Variants in ZNF285 observed in about 807,000 individuals in gnomAD.
ZNF285 encodes the protein zinc finger protein 285.
A neutral mutation model predicts 6.2 loss-of-function variants in ZNF285; 4 were observed. That is an observed-to-expected ratio of 0.65 (90% CI 0.32 to 1.49). ZNF285 has a LOEUF of 1.49. Ranked by LOEUF, ZNF285 falls within the 40% of genes most tolerant of loss-of-function variation. The pLI is 0.07. For synonymous variants in ZNF285, 240 were observed against 245.8 expected, an observed-to-expected ratio of 0.98 and a Z score of 0.22; for missense variants, 695 against 708.8, an observed-to-expected ratio of 0.98 and a Z score of 0.22.
intron 2 of ZNF285, chr19:44,394,547 T>TA (rs1323348256): frequency 1.7e-6 from 1 of 584,512 alleles, no homozygotes; most frequent in Non-Finnish European, 3.0e-6. Context: ...GAATCTAAAA[T>TA]AAAAGTTGGA....
In ZNF285 at chr19:44,387,066, G is replaced by A. The variant is rs1440961309; in HGVS notation, c.1179C>T (p.Val393=). ...QSSNLLVHQR[V]HTGEKPYKCS... is the part of the protein sequence containing the mutation. ...ATTTGTAGGGCTTCTCTCCAGTGTGGACTCTCTGATGGACAAGAAGGTTGG... is the reference window on the plus strand; with the variant it reads ...ATTTGTAGGGCTTCTCTCCAGTGTGAACTCTCTGATGGACAAGAAGGTTGG... The change falls in exon 4 of 4, where the codon GTC becomes GTT. Residue 393 remains valine (V), a synonymous_variant. Coordinates refer to ENST00000614994, the MANE Select transcript of ZNF285 (RefSeq NM_152354.6). 6.2e-7 allele frequency: 1 copy of A among 1,614,070 alleles called. No individual in the cohort carries two copies.
At chr19:44,388,134 A>T (rs765653884) in intron 3 of ZNF285, 32 bp from the exon 4 acceptor site, 1 of 1,587,628 alleles carries the variant, frequency 6.3e-7, no homozygotes, top group South Asian at 1.1e-5. Flanking sequence ...GGCTAAGAGA[A>T]CAAGTCAATC....
intron 3 of ZNF285, among the ~76,000 whole-genome samples, chr19:44,390,944 A>C (rs1249423387): frequency 1.3e-5 from 2 of 151,920 alleles, no homozygotes; most frequent in Admixed American, 6.6e-5. Flanking sequence ...TCACGAGGTC[A>C]AGAGATTGAG....
In ZNF285 at chr19:44,382,306, T is replaced by TC. The variant is rs1265350231; in HGVS notation, c.*4165_*4166insG. 2 of 145,690 alleles carry TC rather than the reference T, an allele frequency of 1.4e-5. No homozygotes were observed. Among genetic ancestry groups the TC allele is most frequent in the Non-Finnish European group, 3.0e-5 (2 of 66,284 alleles). The allele number at this position is 145,690 out of a possible 1,614,324, so 9.0% of individuals were successfully genotyped here. ...CACATAAGGGACTTTTTTTTTTTTT[T>TC]TTTTTTTTTTGAGACAGAGTCTTGC... On this transcript the variant is annotated 3_prime_UTR_variant, in exon 4 of 4. Coordinates refer to ENST00000614994, the MANE Select transcript of ZNF285 (RefSeq NM_152354.6).
In ZNF285 at chr19:44,387,362, T is replaced by G; in HGVS notation, c.883A>C (p.Met295Leu). ...AGGTCTGAGCTCTGTTTGCAGCCCA[T>G]AGGCCATTCGTGGAATTCATAGGGA... is the stretch of plus-strand genomic sequence containing the variant. ...KTPYEFHEWPMGCKQSSDLPR... is the reference protein window; with the variant it reads ...KTPYEFHEWPLGCKQSSDLPR... Residue 295 changes from methionine to leucine, a missense_variant, in exon 4 of 4, where the codon ATG becomes CTG. Physicochemically the swap from Met to Leu is conservative, Grantham distance 15 (BLOSUM62 2). Transcript: ENST00000614994. 1 of 1,614,170 alleles carries G rather than the reference T, an allele frequency of 6.2e-7. No individual in the cohort carries two copies.
In ZNF285 at chr19:44,389,356, C is replaced by T. The variant is rs531396035; in HGVS notation, c.143-1254G>A. On this transcript the variant is annotated intron_variant, in intron 3 of 3. Transcript: ENST00000614994. ...TGCTTCTGGTTCAAGGTCCTTTCTG[C>T]ATTGTTTTATTGAAAGTGACTTTAG... Among the ~76,000 whole-genome samples the T allele has an allele frequency of 3.4e-4, 51 of 152,232 alleles. 1 individual carries two copies. In the South Asian group the frequency reaches 9.5e-3, roughly 28 times the overall value.
chr19:44,385,393 C>T lies in ZNF285; in HGVS notation c.*1079G>A, dbSNP rs750501682. ...CAGTAAAGTTTTACCACAGCTATAT[C>T]ATCTGGAACATTTCTCTTTGGTGTA... On this transcript the variant is annotated 3_prime_UTR_variant, in exon 4 of 4. Transcript: ENST00000614994. The T allele has an allele frequency of 6.6e-6, 1 of 152,150 alleles. No individual in the cohort carries two copies. Among genetic ancestry groups the T allele is most frequent in the African/African-American group, 2.4e-5 (1 of 41,394 alleles). The allele number at this position is 152,150 out of a possible 1,614,324, so 9.4% of individuals were successfully genotyped here. A position where few individuals can be genotyped will look rare whatever the true frequency, so the allele number is the denominator to read the frequency against.
intron 2 of ZNF285, 165 bp from the exon 3 acceptor site, chr19:44,392,631 T>C (rs767574800): frequency 5.2e-6 from 7 of 1,337,162 alleles, no homozygotes; most frequent in Admixed American, 3.9e-5. Flanking sequence ...ACCACCAAGA[T>C]AGGTTTCATT....
Position 44,387,999 on chromosome 19 carries a change from C to T in ZNF285, c.246G>A (p.Arg82=). The change falls in exon 4 of 4, where the codon CGG becomes CGA. Residue 82 remains arginine, a synonymous_variant. Coordinates refer to ENST00000614994, the MANE Select transcript of ZNF285 (RefSeq NM_152354.6). ...HCWQIWKQRI[R]DLTVSQDYIV... Reference sequence around the variant, plus strand: ...TATAATCCTGACTCACAGTTAAATCCCGGATCCTTTGTTTCCAAATCTGCC... The same window carrying T: ...TATAATCCTGACTCACAGTTAAATCTCGGATCCTTTGTTTCCAAATCTGCC... The T allele has an allele frequency of 6.2e-7, 1 of 1,614,098 alleles. No homozygotes were observed. Among genetic ancestry groups the T allele is most frequent in the South Asian group, 1.1e-5 (1 of 91,074 alleles).
In ZNF285 at chr19:44,390,684, G is replaced by A. The variant is rs550802185; in HGVS notation, c.142+1656C>T. Reference sequence around the variant, plus strand: ...GACATATGATTTGGGAGGGGCCAGTGGTGGGATAATATGGTCTGGCTGTGT... The same window carrying A: ...GACATATGATTTGGGAGGGGCCAGTAGTGGGATAATATGGTCTGGCTGTGT... On this transcript the variant is annotated intron_variant, in intron 3 of 3. Coordinates refer to ENST00000614994, the MANE Select transcript of ZNF285 (RefSeq NM_152354.6). Among the ~76,000 whole-genome samples, 317 of 151,896 alleles carry A rather than the reference G, an allele frequency of 2.1e-3. 2 individuals are homozygous for A. Among genetic ancestry groups the A allele is most frequent in the Middle Eastern group, 6.8e-3 (2 of 294 alleles).
chr19:44,392,322 T>A lies in ZNF285; in HGVS notation c.142+18A>T. On this transcript the variant is annotated intron_variant, in intron 3 of 3. Coordinates refer to ENST00000614994, the MANE Select transcript of ZNF285 (RefSeq NM_152354.6). ...ATTTGAGGAAACAGGTCCAGTGGTC[T>A]CATGCTCAGTTACTCACTCACTAAC... is the stretch of plus-strand genomic sequence containing the variant. 1 of 1,613,810 alleles carries A rather than the reference T, an allele frequency of 6.2e-7. No individual in the cohort carries two copies. Among genetic ancestry groups the A allele is most frequent in the Non-Finnish European group, 8.5e-7 (1 of 1,179,778 alleles).
chr19:44,386,421 T>C lies in ZNF285; in HGVS notation c.*51A>G, dbSNP rs771878086. On this transcript the variant is annotated 3_prime_UTR_variant, in exon 4 of 4. Transcript: ENST00000614994. The stretch of plus-strand genomic sequence containing the variant: ...ACAGGCTGAGTAAGCCTCTATCATC[T>C]GGAATACAGTGTGGCTTCTGTTTTA... 3.2e-6 allele frequency: 5 copies of C among 1,562,174 alleles called. No individual in the cohort carries two copies. In the East Asian group the frequency reaches 6.8e-5, roughly 21 times the overall value.
At position 44,387,971 on chromosome 19, in the gene ZNF285, C is replaced by G. The variant is rs140033872; in HGVS notation, c.274G>C (p.Val92Leu). 5 of 1,614,052 alleles carry G rather than the reference C, an allele frequency of 3.1e-6. No individual in the cohort carries two copies. In the African/African-American group the frequency reaches 6.7e-5, roughly 22 times the overall value. The change falls in exon 4 of 4, where the codon GTG becomes CTG. Residue 92 changes from valine to leucine, a missense_variant. Transcript: ENST00000614994. ...GGGGAACACTCTTCTTGAAGGTTCA[C>G]GATATAATCCTGACTCACAGTTAAA... is the stretch of plus-strand genomic sequence containing the variant. ...RDLTVSQDYI[V>L]NLQEECSPHL...
Position 44,388,997 on chromosome 19 carries a change from G to A in ZNF285, c.143-895C>T, listed in dbSNP as rs533881267. Among the ~76,000 whole-genome samples, 314 of 145,744 alleles carry A rather than the reference G, an allele frequency of 2.2e-3. 3 individuals carry two copies. The highest frequency in any genetic ancestry group is 3.7e-3 in the Non-Finnish European group (253 of 67,886). ...AAATATGATCCTGGCGTTGTGCGGG[G>A]ATGCGTATGTAAACCTCTGAGACAA... On this transcript the variant is annotated intron_variant, in intron 3 of 3. Coordinates refer to ENST00000614994, the MANE Select transcript of ZNF285 (RefSeq NM_152354.6).
intron 2 of ZNF285, among the ~76,000 whole-genome samples, chr19:44,395,684 G>C (rs982147121): frequency 6.6e-6 from 1 of 152,102 alleles, no homozygotes; most frequent in African/African-American, 2.4e-5. Context: ...CCTCTTCCAT[G>C]CTCTCCAATC....
intron 1 of ZNF285, among the ~76,000 whole-genome samples, chr19:44,398,017 T>C (rs1971313484): frequency 6.6e-6 from 1 of 152,128 alleles, no homozygotes; most frequent in Non-Finnish European, 1.5e-5. Context: ...AACATGCCGT[T>C]AGCCAAAATA....
intron 2 of ZNF285, chr19:44,394,622 A>G (rs1971250998): frequency 3.8e-6 from 2 of 524,832 alleles, no homozygotes; most frequent in South Asian, 3.1e-5. Context: ...CAATTTTTAC[A>G]TAAAATATTT....
rs565008412 is a variant in ZNF285, at chr19:44,399,331, T to C, written c.-43-2075A>G. Among the ~76,000 whole-genome samples the C allele has an allele frequency of 3.9e-4, 55 of 139,530 alleles. 1 individual carries two copies. The highest frequency in any genetic ancestry group is 1.7e-3 in the African/African-American group (55 of 33,160). The allele number at this position is 139,530 out of a possible 152,430, so 91.5% of individuals were successfully genotyped here. On this transcript the variant is annotated intron_variant, in intron 1 of 3. Coordinates refer to ENST00000614994, the MANE Select transcript of ZNF285 (RefSeq NM_152354.6). ...CAGCATGAATTACATCGTTTTACAA[T>C]AGTTAAAACCTACCAAGAAAACACT...
intron 1 of ZNF285, among the ~76,000 whole-genome samples, chr19:44,398,755 T>G (rs1971326555): frequency 6.6e-6 from 1 of 152,160 alleles, no homozygotes; most frequent in African/African-American, 2.4e-5. Flanking sequence ...TAAACACAAT[T>G]GCCTCTGGCC....
Sources: allele counts gnomAD v4.1 joint callset (sites outside exome capture counted in the v4.1 genomes callset), GRCh38; gene constraint gnomAD v4.1.1; transcripts MANE v1.5; gene names NCBI Gene and HGNC (gene_info 2026-07-23, HGNC 2026-07-21).